The following RASAL2 variants were observed in gnomAD, a reference collection of about 807,000 sequenced individuals.
RASAL2 encodes ras GTPase-activating protein nGAP.
A neutral mutation model predicts 128.9 loss-of-function variants in RASAL2; 58 were observed. The observed-to-expected ratio is 0.45, with a 90% CI of 0.36 to 0.56. RASAL2 has a LOEUF of 0.56. Ranked by LOEUF, RASAL2 falls within the 20% of genes least tolerant of loss-of-function variation. The pLI is 0.00. For missense variants in RASAL2, 1,360 were observed against 1,601.6 expected, an observed-to-expected ratio of 0.85 and a Z score of 2.57; for synonymous variants, 561 against 580.8, an observed-to-expected ratio of 0.97 and a Z score of 0.49.
chr1:178,271,634 C>T (rs1458072054), intron 1 of RASAL2, among the ~76,000 whole-genome samples: 1 of 152,162 alleles, frequency 6.6e-6, no homozygotes, highest in Non-Finnish European at 1.5e-5. Flanking sequence ...TCAGCTTCTT[C>T]CTCAAAGTTG....
Position 178,473,968 on chromosome 1 carries a change from A to T in RASAL2, c.*729A>T, listed in dbSNP as rs1454054511. ...TGTTTATTTCCTCTGTCTACAGCAG[A>T]TGGGAGTCTTCTCTTTTAGACAGGG... On this transcript the variant is annotated 3_prime_UTR_variant, in exon 18 of 18. Transcript: ENST00000367649. 1.3e-5 allele frequency: 2 copies of T among 152,274 alleles called. No individual in the cohort carries two copies. The highest frequency in any genetic ancestry group is 2.9e-5 in the Non-Finnish European group (2 of 68,034). The allele number at this position is 152,274 out of a possible 1,614,324, so 9.4% of individuals were successfully genotyped here.
chr1:178,170,024 A>G (rs1048574719), intron 1 of RASAL2, among the ~76,000 whole-genome samples: 2 of 151,964 alleles, frequency 1.3e-5, no homozygotes, highest in Admixed American at 6.6e-5. Context: ...ATCCTTCTCT[A>G]TCCTCCCCAT....
intron 4 of RASAL2, among the ~76,000 whole-genome samples, chr1:178,391,677 G>T (rs1051780189): frequency 2.0e-5 from 3 of 152,124 alleles, no homozygotes; most frequent in Admixed American, 1.3e-4. Flanking sequence ...GTACAAAAAG[G>T]AGTCAGACTT....
intron 1 of RASAL2, among the ~76,000 whole-genome samples, chr1:178,275,086 T>G (rs898506294): frequency 6.6e-6 from 1 of 152,212 alleles, no homozygotes; most frequent in Non-Finnish European, 1.5e-5. Context: ...TGGACTGCCA[T>G]TTCTCATCTT....
At chr1:178,165,069 A>G (rs1227268437) in intron 1 of RASAL2, among the ~76,000 whole-genome samples, 7 of 152,134 alleles carry the variant, frequency 4.6e-5, no homozygotes, top group African/African-American at 7.2e-5. Context: ...GATGTAGGCT[A>G]TATGCTAATA....
In RASAL2 at chr1:178,094,500, T is replaced by G. The variant is rs1462912035; in HGVS notation, c.8T>G (p.Leu3Arg). 4.5e-6 allele frequency: 7 copies of G among 1,555,080 alleles called. No homozygotes were observed. Among genetic ancestry groups the G allele is most frequent in the Admixed American group, 3.9e-5 (2 of 51,706 alleles). ...CTCCCGCCTCGGGGCACCATGGAGCTCTCTCCGTCGTCCGGAGGAGCCGCG... is the reference window on the plus strand; with the variant it reads ...CTCCCGCCTCGGGGCACCATGGAGCGCTCTCCGTCGTCCGGAGGAGCCGCG... Reference protein sequence around the residue: MELSPSSGGAAEA... With the variant: MERSPSSGGAAEA... Residue 3 changes from leucine to arginine, a missense_variant, in exon 1 of 18, where the codon CTC becomes CGC. Leu to Arg is a moderately radical substitution (Grantham distance 102). This residue lies in a region of RASAL2 where 617 missense variants were observed against 714.2 expected (regional missense o/e 0.86). Coordinates refer to ENST00000367649, the MANE Select transcript of RASAL2 (RefSeq NM_170692.4).
At chr1:178,169,879 G>A (rs1020627808) in intron 1 of RASAL2, among the ~76,000 whole-genome samples, 1 of 151,966 alleles carries the variant, frequency 6.6e-6, no homozygotes, top group African/African-American at 2.4e-5. Flanking sequence ...CCAGAGAGCT[G>A]CCTTCTTAAC....
At chr1:178,353,460 T>A (rs992695900) in intron 3 of RASAL2, among the ~76,000 whole-genome samples, 3 of 152,230 alleles carry the variant, frequency 2.0e-5, no homozygotes, top group African/African-American at 7.2e-5. Flanking sequence ...CATCTCCATC[T>A]GAGACCTCTT....
intron 1 of RASAL2, among the ~76,000 whole-genome samples, chr1:178,186,830 TG>T (rs371474283): frequency 5.9e-5 from 9 of 152,104 alleles, no homozygotes; most frequent in African/African-American, 1.9e-4. Flanking sequence ...TTTCTTTTTT[TG>T]GGGGGTTGGG....
intron 1 of RASAL2, among the ~76,000 whole-genome samples, chr1:178,254,146 A>T (rs1481299620): frequency 6.6e-6 from 1 of 152,058 alleles, no homozygotes; most frequent in Non-Finnish European, 1.5e-5. Flanking sequence ...TTTTCACCTC[A>T]AGTCAAATGC....
chr1:178,286,744 T>C (rs1667049090), intron 2 of RASAL2, among the ~76,000 whole-genome samples: 1 of 152,200 alleles, frequency 6.6e-6, no homozygotes, highest in Non-Finnish European at 1.5e-5. Flanking sequence ...TCGTCGTTTT[T>C]TGTTGATTCT....
intron 1 of RASAL2, among the ~76,000 whole-genome samples, chr1:178,275,225 G>A (rs750495246): frequency 7.2e-5 from 11 of 152,136 alleles, no homozygotes; most frequent in African/African-American, 1.7e-4. Flanking sequence ...GTGTTGCCCC[G>A]GTTTGAATGC....
intron 1 of RASAL2, among the ~76,000 whole-genome samples, chr1:178,136,658 G>A (rs899380369): frequency 6.8e-6 from 1 of 146,038 alleles, no homozygotes; most frequent in African/African-American, 2.5e-5. Context: ...TCAGGAGGCT[G>A]AGACAGGATG....
At chr1:178,101,094 A>G (rs535187981) in intron 1 of RASAL2, among the ~76,000 whole-genome samples, 1 of 152,314 alleles carries the variant, frequency 6.6e-6, no homozygotes, top group Admixed American at 6.5e-5. Flanking sequence ...AGTTTATTTT[A>G]TAGTGAGAGG....
intron 1 of RASAL2, among the ~76,000 whole-genome samples, chr1:178,146,238 A>C (rs866265238): frequency 6.6e-6 from 1 of 152,216 alleles, no homozygotes; most frequent in Non-Finnish European, 1.5e-5. Flanking sequence ...AATAATACAG[A>C]TTATACTTTG....
At chr1:178,251,310 T>C (rs182134165) in intron 1 of RASAL2, among the ~76,000 whole-genome samples, 1 of 152,364 alleles carries the variant, frequency 6.6e-6, no homozygotes, top group Admixed American at 6.5e-5. Context: ...AATAACTTGC[T>C]CATACAATCT....
chr1:178,292,699 A>C (rs1163624435), intron 2 of RASAL2, among the ~76,000 whole-genome samples: 1 of 152,186 alleles, frequency 6.6e-6, no homozygotes, highest in Non-Finnish European at 1.5e-5. Context: ...GACCAAGTAA[A>C]TTTGAGATTA....
At chr1:178,297,468 G>A (rs570164476) in intron 2 of RASAL2, among the ~76,000 whole-genome samples, 12 of 151,388 alleles carry the variant, frequency 7.9e-5, no homozygotes, top group South Asian at 6.3e-4. Context: ...TCAGCTGGGC[G>A]TGGTGGCGGG....
In RASAL2 at chr1:178,309,522, G is replaced by A. The variant is rs146640675; in HGVS notation, c.457+9404G>A. On this transcript the variant is annotated intron_variant, in intron 3 of 17. Transcript: ENST00000367649. Reference sequence around the variant, plus strand: ...TTTTGGGTTTTCTTAAAAACCATGAGTGACTATATATTTATTCTTTGAAAT... The same window carrying A: ...TTTTGGGTTTTCTTAAAAACCATGAATGACTATATATTTATTCTTTGAAAT... 1.4e-3 allele frequency among the ~76,000 whole-genome samples: 215 copies of A among 152,208 alleles called. 3 individuals are homozygous for A. The East Asian group carries it at 0.039, about 28-fold the overall frequency.
Sources: allele counts gnomAD v4.1 joint callset (sites outside exome capture counted in the v4.1 genomes callset), GRCh38; gene constraint gnomAD v4.1.1; regional missense constraint gnomAD v4.1.1; transcripts MANE v1.5; gene names NCBI Gene and HGNC (gene_info 2026-07-23, HGNC 2026-07-21).